CYP7B1: variants seen among roughly 807,000 people sequenced by gnomAD.
CYP7B1 encodes the protein cytochrome P450 7B1.
A neutral mutation model predicts 42.7 loss-of-function variants in CYP7B1; 29 were observed. That is an observed-to-expected ratio of 0.68 (90% CI 0.51 to 0.93). The LOEUF is 0.93. Among genes scored for constraint, CYP7B1 ranks in the 40% least tolerant of loss-of-function variants. The pLI, the probability that CYP7B1 is intolerant of heterozygous loss-of-function variation, is 0.00. For missense variants in CYP7B1, 655 were observed against 600.5 expected (o/e 1.09, Z -0.95); for synonymous variants, 235 against 218.2 (o/e 1.08, Z -0.68).
intron 1 of CYP7B1, among the ~76,000 whole-genome samples, chr8:64,740,803 G>A (rs1472130061): frequency 2.0e-5 from 3 of 151,994 alleles, no homozygotes; most frequent in South Asian, 2.1e-4. Context: ...CTCATAAAAG[G>A]AGGAATATAT....
intron 1 of CYP7B1, among the ~76,000 whole-genome samples, chr8:64,626,113 A>T (rs544434788): frequency 6.6e-6 from 1 of 152,206 alleles, no homozygotes; most frequent in Admixed American, 6.5e-5. Context: ...TATAGGTAAG[A>T]GTTCTCAAGG....
In CYP7B1 at chr8:64,602,627, G is replaced by A. The variant is rs574228662; in HGVS notation, c.1233+2055C>T. On this transcript the variant is annotated intron_variant, in intron 5 of 5. Coordinates refer to ENST00000310193, the MANE Select transcript of CYP7B1 (RefSeq NM_004820.5). ...TCTGAGGCTTGATCTTCTCATTCAA[G>A]GTATGTTGGATACAAAAGGCAGGTA... is the stretch of plus-strand genomic sequence containing the variant. Among the ~76,000 whole-genome samples the A allele has an allele frequency of 3.9e-5, 6 of 152,210 alleles. No individual in the cohort carries two copies. In the East Asian group the frequency reaches 7.7e-4, roughly 20 times the overall value.
intron 1 of CYP7B1, among the ~76,000 whole-genome samples, chr8:64,722,599 T>G (rs79788315): frequency 2.0e-5 from 3 of 151,834 alleles, no homozygotes; most frequent in Non-Finnish European, 4.4e-5. Flanking sequence ...CATGGACACA[T>G]GTTAATAGTT....
chr8:64,589,389 T>A (rs902587926), downstream of CYP7B1, among the ~76,000 whole-genome samples: 2 of 152,358 alleles, frequency 1.3e-5, no homozygotes, highest in Non-Finnish European at 1.5e-5. Context: ...AAGTTTTTTT[T>A]AAATGTGTAA....
chr8:64,621,599 G>T (rs957007605), intron 2 of CYP7B1, among the ~76,000 whole-genome samples: 1 of 152,182 alleles, frequency 6.6e-6, no homozygotes, highest in Non-Finnish European at 1.5e-5. Flanking sequence ...GCGAGCAGCA[G>T]CAAGAGACTG....
chr8:64,689,729 G>A (rs190491785), intron 1 of CYP7B1, among the ~76,000 whole-genome samples: 143 of 151,998 alleles, frequency 9.4e-4, no homozygotes, highest in African/African-American at 3.3e-3. Context: ...ACTACTGCCC[G>A]GCAAATTTTT....
intron 1 of CYP7B1, among the ~76,000 whole-genome samples, chr8:64,736,419 C>T (rs1375430021): frequency 1.3e-5 from 2 of 152,150 alleles, no homozygotes; most frequent in African/African-American, 4.8e-5. Flanking sequence ...AATATCTTCG[C>T]TTTAGTCAAA....
intron 1 of CYP7B1, among the ~76,000 whole-genome samples, chr8:64,755,433 T>A (rs986255546): frequency 6.6e-6 from 1 of 152,152 alleles, no homozygotes; most frequent in Non-Finnish European, 1.5e-5. Context: ...TTATTTATTT[T>A]TTTGAGATGG....
At chr8:64,615,571 T>C in intron 3 of CYP7B1, 120 bp downstream of exon 3, 2 of 992,798 alleles carry the variant, frequency 2.0e-6, no homozygotes, top group Non-Finnish European at 3.1e-6. Context: ...TAAAACATTT[T>C]ATCATTAGCC....
At chr8:64,700,954 C>A (rs531313040) in intron 1 of CYP7B1, among the ~76,000 whole-genome samples, 3 of 152,000 alleles carry the variant, frequency 2.0e-5, no homozygotes, top group Middle Eastern at 3.4e-3. Flanking sequence ...GTTGCAATCA[C>A]TAAAAGGTGG....
At chr8:64,611,822 C>T (rs1465809159) in intron 4 of CYP7B1, among the ~76,000 whole-genome samples, 2 of 152,076 alleles carry the variant, frequency 1.3e-5, no homozygotes, top group African/African-American at 4.8e-5. Flanking sequence ...GGTGAGTCAT[C>T]GAAAGAGCGC....
chr8:64,737,864 G>A (rs548502871), intron 1 of CYP7B1, among the ~76,000 whole-genome samples: 94 of 152,288 alleles, frequency 6.2e-4, no homozygotes, highest in African/African-American at 2.2e-3. Context: ...CCCGATTGGT[G>A]GCAGCAGTAA....
chr8:64,638,418 T>C (rs376241702), intron 1 of CYP7B1, among the ~76,000 whole-genome samples: 1 of 152,300 alleles, frequency 6.6e-6, no homozygotes, highest in African/African-American at 2.4e-5. Flanking sequence ...AAATAGAGCA[T>C]GGTATACAAA....
At chr8:64,751,637 C>T (rs1339592995) in intron 1 of CYP7B1, among the ~76,000 whole-genome samples, 1 of 152,150 alleles carries the variant, frequency 6.6e-6, no homozygotes, top group Non-Finnish European at 1.5e-5. Context: ...AAACGGCATG[C>T]ATGCATTTCA....
At chr8:64,789,453 A>C (rs1804582260) in intron 1 of CYP7B1, among the ~76,000 whole-genome samples, 1 of 152,166 alleles carries the variant, frequency 6.6e-6, no homozygotes, top group Admixed American at 6.5e-5. Context: ...GTGTTTTACT[A>C]TCTGACTTAT....
At chr8:64,798,388 G>T (rs910721536) in intron 1 of CYP7B1, 78 bp downstream of exon 1, 70 of 1,423,480 alleles carry the variant, frequency 4.9e-5, no homozygotes, top group Non-Finnish European at 6.2e-5. Flanking sequence ...CATGGAGGGG[G>T]ACTCCCCTCG....
chr8:64,759,148 G>T (rs184682966), intron 1 of CYP7B1, among the ~76,000 whole-genome samples: 25 of 152,310 alleles, frequency 1.6e-4, no homozygotes, highest in Admixed American at 1.4e-3. Flanking sequence ...ATAGAAATCT[G>T]AATCTGCTGT....
chr8:64,625,311 AT>A (rs1047653091), intron 1 of CYP7B1, among the ~76,000 whole-genome samples: 1 of 152,078 alleles, frequency 6.6e-6, no homozygotes, highest in Admixed American at 6.5e-5. Context: ...CTGGTGAGCA[AT>A]TTTTTGAAGG....
At chr8:64,755,394 G>C (rs966924271) in intron 1 of CYP7B1, among the ~76,000 whole-genome samples, 1 of 152,078 alleles carries the variant, frequency 6.6e-6, no homozygotes, top group Non-Finnish European at 1.5e-5. Context: ...CTGTTAACCA[G>C]AGTCCGGCAA....
Sources: gnomAD v4.1 joint callset for allele counts (sites outside exome capture counted in the v4.1 genomes callset) on GRCh38, gnomAD v4.1.1 for gene constraint, MANE v1.5 for transcripts, NCBI Gene and HGNC (gene_info 2026-07-23, HGNC 2026-07-21) for gene names.